The following PIEZO2 variants were observed in gnomAD, a reference collection of about 807,000 sequenced individuals.
The protein encoded by PIEZO2 is piezo type mechanosensitive ion channel component 2, also known as piezo-type mechanosensitive ion channel component 2.
PIEZO2 carries 172 observed loss-of-function variants against 337.3 expected under a neutral mutation model. That is an observed-to-expected ratio of 0.51 (90% CI 0.45 to 0.58). The LOEUF is 0.58. Ranked by LOEUF, PIEZO2 falls within the 20% of genes least tolerant of loss-of-function variation. The probability of loss-of-function intolerance (pLI) is 0.00; values close to 1 mark genes in which losing one functional copy is unlikely to be tolerated. For synonymous variants in PIEZO2, 1,251 were observed against 1,228.5 expected (o/e 1.02, Z -0.38); for missense variants, 3,028 against 3,391.3 (o/e 0.89, Z 2.66).
At chr18:10,820,606 T>C (rs1224981765) in intron 7 of PIEZO2, among the ~76,000 whole-genome samples, 4 of 152,208 alleles carry the variant, frequency 2.6e-5, no homozygotes, top group Non-Finnish European at 1.5e-5. Context: ...AAAAAGCTGT[T>C]TTAAGGAGGT....
chr18:10,752,670 T>C lies in PIEZO2; in HGVS notation c.4133A>G (p.Asn1378Ser), dbSNP rs1329532434. 3.3e-6 allele frequency: 5 copies of C among 1,537,088 alleles called. No individual in the cohort carries two copies. ...ATTTTTCATCGTAATCACAAAAACG[T>C]TGTATGCGATCAGCCAGTCCCAGTA... ...LRYWDWLIAYNVFVITMKNIL... is the reference protein window; with the variant it reads ...LRYWDWLIAYSVFVITMKNIL... The change falls in exon 28 of 56, where the codon AAC (asparagine) becomes AGC (serine). Residue 1378 changes from asparagine to serine, a missense_variant. Asn to Ser is a conservative substitution (Grantham distance 46). Around this residue, in one of 5 missense-constraint regions of PIEZO2, gnomAD observed 1,925 missense variants for 2,051.9 expected, o/e 0.94. Coordinates refer to ENST00000674853, the MANE Select transcript of PIEZO2 (RefSeq NM_001378183.1).
chr18:10,966,090 A>C (rs1237038615), intron 3 of PIEZO2, among the ~76,000 whole-genome samples: 2 of 152,198 alleles, frequency 1.3e-5, no homozygotes, highest in Non-Finnish European at 2.9e-5. Context: ...GAAAGTGTCC[A>C]ACCAGGTCCC....
intron 2 of PIEZO2, among the ~76,000 whole-genome samples, chr18:11,056,249 C>A (rs1171477382): frequency 6.6e-6 from 1 of 152,120 alleles, no homozygotes; most frequent in Non-Finnish European, 1.5e-5. Context: ...TTGTGTAAAG[C>A]AGCTCCCTTC....
intron 2 of PIEZO2, among the ~76,000 whole-genome samples, chr18:11,049,723 G>A (rs746375042): frequency 3.3e-5 from 5 of 152,082 alleles, no homozygotes; most frequent in Admixed American, 3.3e-4. Context: ...TTCCCCTTTT[G>A]CTTGGCTCTC....
chr18:10,818,034 A>G (rs977114764), intron 7 of PIEZO2, among the ~76,000 whole-genome samples: 4 of 152,110 alleles, frequency 2.6e-5, no homozygotes, highest in African/African-American at 9.7e-5. Context: ...AATAAAGTAT[A>G]TACTTTTTTC....
chr18:10,956,653 C>A (rs2145349054), intron 3 of PIEZO2, among the ~76,000 whole-genome samples: 1 of 152,300 alleles, frequency 6.6e-6, no homozygotes, highest in Non-Finnish European at 1.5e-5. Flanking sequence ...TGATTGTAAT[C>A]AAAACAGTAT....
chr18:10,763,816 G>A (rs545745652), intron 21 of PIEZO2, among the ~76,000 whole-genome samples: 12 of 152,316 alleles, frequency 7.9e-5, no homozygotes, highest in South Asian at 2.1e-4. Flanking sequence ...CTCACGTGCC[G>A]CGGCAATAGC....
intron 1 of PIEZO2, among the ~76,000 whole-genome samples, chr18:11,108,569 G>A (rs532797381): frequency 9.5e-5 from 12 of 126,192 alleles, no homozygotes; most frequent in South Asian, 5.0e-4. Flanking sequence ...AGCTGAGATC[G>A]CACCACTGCA....
intron 3 of PIEZO2, among the ~76,000 whole-genome samples, chr18:10,923,266 C>G (rs1225871792): frequency 6.6e-6 from 1 of 152,100 alleles, no homozygotes; most frequent in Non-Finnish European, 1.5e-5. Context: ...AAGATTTCAT[C>G]GTACTCATTC....
At chr18:11,093,709 C>G (rs1270136349) in intron 1 of PIEZO2, among the ~76,000 whole-genome samples, 2 of 151,536 alleles carry the variant, frequency 1.3e-5, no homozygotes, top group African/African-American at 4.8e-5. Context: ...GCCTCAGGCT[C>G]CCGAGTAGCT....
chr18:11,049,771 C>T (rs536591031), intron 2 of PIEZO2, among the ~76,000 whole-genome samples: 4 of 152,266 alleles, frequency 2.6e-5, no homozygotes, highest in South Asian at 2.1e-4. Flanking sequence ...ACATGCCTTT[C>T]GCCTCCCACC....
chr18:10,995,157 C>T (rs1370485360), intron 2 of PIEZO2, among the ~76,000 whole-genome samples: 1 of 149,416 alleles, frequency 6.7e-6, no homozygotes, highest in Non-Finnish European at 1.5e-5. Context: ...AATTTTTTGA[C>T]TATGGCCATT....
intron 35 of PIEZO2, among the ~76,000 whole-genome samples, chr18:10,734,922 C>T (rs2036937635): frequency 6.6e-6 from 1 of 152,114 alleles, no homozygotes; most frequent in Non-Finnish European, 1.5e-5. Context: ...CAGATGTGAC[C>T]CTTTTAAAAT....
In PIEZO2 at chr18:10,979,436, T is replaced by C. The variant is rs1400223618; in HGVS notation, c.286+99A>G. On this transcript the variant is annotated intron_variant, in intron 3 of 55. Transcript: ENST00000674853. The surrounding 1 kb of genome is among the most constrained non-coding windows in gnomAD (Gnocchi z 4.0). Reference sequence around the variant, plus strand: ...TTCCATGAATTTTATAATTTAATTATTGCATAGATTTCTATGTGTGCGATG... The same window carrying C: ...TTCCATGAATTTTATAATTTAATTACTGCATAGATTTCTATGTGTGCGATG... 2.5e-6 allele frequency: 3 copies of C among 1,202,856 alleles called. No individual in the cohort carries two copies. The African/African-American group carries it at 4.6e-5, about 18-fold the overall frequency. 74.5% of individuals were successfully genotyped at this position (1,202,856 alleles called of 1,614,324 possible).
At position 10,803,573 on chromosome 18, in the gene PIEZO2, T is replaced by C. The variant is rs572084336; in HGVS notation, c.1200+302A>G. Among the ~76,000 whole-genome samples the C allele has an allele frequency of 2.6e-5, 4 of 152,368 alleles. No homozygotes were observed. In the South Asian group the frequency reaches 8.3e-4, roughly 32 times the overall value. On this transcript the variant is annotated intron_variant, in intron 9 of 55. Transcript: ENST00000674853. ...TTTTCACCCTCCAGTGCTAACAGATTGCTTTGCTACTTTTGTTTGTTTTAA... is the reference window on the plus strand; with the variant it reads ...TTTTCACCCTCCAGTGCTAACAGATCGCTTTGCTACTTTTGTTTGTTTTAA...
chr18:10,751,408 T>C (rs573387527), intron 28 of PIEZO2, among the ~76,000 whole-genome samples: 1 of 152,356 alleles, frequency 6.6e-6, no homozygotes, highest in East Asian at 1.9e-4. Context: ...TCCTGTCTCA[T>C]GCTCTCTTCA....
intron 2 of PIEZO2, among the ~76,000 whole-genome samples, chr18:10,999,908 C>A (rs552857000): frequency 7.2e-5 from 11 of 152,128 alleles, no homozygotes; most frequent in African/African-American, 2.6e-4. Flanking sequence ...GCTGGGACTT[C>A]GAAATAAACT....
chr18:11,085,244 T>C (rs1477117805), intron 1 of PIEZO2, among the ~76,000 whole-genome samples: 2 of 152,238 alleles, frequency 1.3e-5, no homozygotes, highest in African/African-American at 4.8e-5. Flanking sequence ...AGACTCCTCC[T>C]GGTTCCTCAC....
chr18:10,884,033 G>C (rs546610468), intron 4 of PIEZO2, among the ~76,000 whole-genome samples: 1 of 151,978 alleles, frequency 6.6e-6, no homozygotes, highest in African/African-American at 2.4e-5. Context: ...GGATGGTCTT[G>C]ATCTCCTGAC....
Sources: gnomAD v4.1 joint callset for allele counts (sites outside exome capture counted in the v4.1 genomes callset) on GRCh38, gnomAD v4.1.1 for gene constraint, gnomAD v4.1.1 regional missense constraint, Gnocchi (gnomAD v3.1) non-coding constraint, MANE v1.5 for transcripts, NCBI Gene and HGNC (gene_info 2026-07-23, HGNC 2026-07-21) for gene names.